The following OAT variants were observed in gnomAD, a reference collection of about 807,000 sequenced individuals.
OAT encodes the protein ornithine aminotransferase, also known as ornithine aminotransferase, mitochondrial.
OAT carries 35 observed loss-of-function variants against 48.4 expected under a neutral mutation model. That is an observed-to-expected ratio of 0.72 (90% confidence interval 0.55 to 0.96). OAT has a LOEUF of 0.96. Ranked by LOEUF, OAT falls within the 40% of genes least tolerant of loss-of-function variation. The pLI is 0.00. For missense variants in OAT, 438 were observed against 537.9 expected (o/e 0.81, Z 1.84); for synonymous variants, 182 against 198.4 (o/e 0.92, Z 0.70).
Position 124,403,810 on chromosome 10 carries a change from G to A in OAT, c.759C>T (p.Cys253=). 6.2e-7 allele frequency: 1 copy of A among 1,614,114 alleles called. No homozygotes were observed. The highest frequency in any genetic ancestry group is 8.5e-7 in the Non-Finnish European group (1 of 1,180,000). The change falls in exon 6 of 10, where the codon TGC becomes TGT. Residue 253 remains cysteine (C), a synonymous_variant. Transcript: ENST00000368845. The part of the protein sequence containing the change: ...PGYLMGVREL[C]TRHQVLFIAD... ...CTAACGTGACAACCTGGTGCCTGGT[G>A]CAGAGCTCTCGCACTCCCATTAGGT...
intron 4 of OAT, chr10:124,407,457 C>G (rs898747030): frequency 2.0e-6 from 2 of 985,142 alleles, no homozygotes; most frequent in African/African-American, 3.5e-5. Flanking sequence ...TTTTTGTTTG[C>G]AAGAGACAGT....
At chr10:124,411,139 C>CACAAA (rs1554867368) in intron 2 of OAT, among the ~76,000 whole-genome samples, 1 of 15,014 alleles carries the variant, frequency 6.7e-5, no homozygotes, top group Non-Finnish European at 1.3e-4. Flanking sequence ...CATTCCGTCT[C>CACAAA]AAAAAAAAAA....
At chr10:124,415,538 G>C (rs943828193) in intron 1 of OAT, among the ~76,000 whole-genome samples, 4 of 152,176 alleles carry the variant, frequency 2.6e-5, no homozygotes, top group Admixed American at 2.0e-4. Context: ...TTCTATTAAA[G>C]AACCTTCTGT....
chr10:124,401,948 C>A (rs1385343750), intron 7 of OAT, 109 bp from the exon 8 acceptor site: 1 of 779,972 alleles, frequency 1.3e-6, no homozygotes, highest in Non-Finnish European at 2.2e-6. Flanking sequence ...GTGGCGTGAT[C>A]TCAGCTCACT....
At chr10:124,415,267 A>G (rs1951885924) in intron 1 of OAT, among the ~76,000 whole-genome samples, 1 of 152,094 alleles carries the variant, frequency 6.6e-6, no homozygotes, top group Non-Finnish European at 1.5e-5. Context: ...ATATCATTCA[A>G]AACATTACTA....
At position 124,400,876 on chromosome 10, in the gene OAT, C is replaced by A; in HGVS notation, c.1123G>T (p.Gly375Ter). The change falls in exon 9 of 10, where the codon GGA becomes TGA. Residue 375 changes from glycine (G) to a stop codon, truncating the protein, a stop_gained. Transcript: ENST00000368845. LOFTEE classifies it high-confidence loss of function. The part of the protein sequence containing the change: ...SDVVTAVRGK[G>*]LLNAIVIKET... ...TTAATGACAATAGCGTTTAATAATC[C>A]TTTTCCTCTTACGGCAGTTACAACA... The A allele has an allele frequency of 6.2e-7, 1 of 1,605,000 alleles. No homozygotes were observed. Among genetic ancestry groups the A allele is most frequent in the Non-Finnish European group, 8.5e-7 (1 of 1,173,682 alleles).
At position 124,397,961 on chromosome 10, in the gene OAT, T is replaced by C; in HGVS notation, c.1301A>G (p.Lys434Arg). The stretch of plus-strand genomic sequence containing the variant: ...CTACCCTCAGAAAGACAAGATGGTC[T>C]TGTTAATAATTTCAATGGACTCTCG... The part of the protein sequence containing the change: ...ELRESIEIIN[K>R]TILSF Residue 434 changes from lysine (K) to arginine (R), a missense_variant, in exon 10 of 10, where the codon AAG (lysine) becomes AGG (arginine). By Grantham distance (26) the Lys-to-Arg change is conservative. Coordinates refer to ENST00000368845, the MANE Select transcript of OAT (RefSeq NM_000274.4). 6.2e-7 allele frequency: 1 copy of C among 1,613,864 alleles called. No individual in the cohort carries two copies. Among genetic ancestry groups the C allele is most frequent in the Middle Eastern group, 1.7e-4 (1 of 6,056 alleles).
intron 5 of OAT, 96 bp downstream of exon 5, chr10:124,405,340 T>A: frequency 6.4e-7 from 1 of 1,561,122 alleles, no homozygotes; most frequent in Admixed American, 1.7e-5. Context: ...TGAGATAAAT[T>A]TGCATTACTG....
chr10:124,397,977 T>A lies in OAT; in HGVS notation c.1285A>T (p.Ile429Phe). Residue 429 changes from isoleucine to phenylalanine, a missense_variant, in exon 10 of 10, where the codon ATT (isoleucine) becomes TTT (phenylalanine). Physicochemically the swap from Ile to Phe is conservative, Grantham distance 21 (BLOSUM62 0). Coordinates refer to ENST00000368845, the MANE Select transcript of OAT (RefSeq NM_000274.4). ...VIKEDELRES[I>F]EIINKTILSF ...AAGATGGTCTTGTTAATAATTTCAA[T>A]GGACTCTCGAAGCTCATCCTCCTTG... 1 of 1,613,902 alleles carries A rather than the reference T, an allele frequency of 6.2e-7. No homozygotes were observed.
chr10:124,415,678 C>A (rs770159776), intron 1 of OAT, among the ~76,000 whole-genome samples: 1 of 152,270 alleles, frequency 6.6e-6, no homozygotes, highest in Non-Finnish European at 1.5e-5. Context: ...AGCGGAAAAT[C>A]CCGAGTTTGG....
At chr10:124,408,172 A>G (rs1951635546) in intron 4 of OAT, among the ~76,000 whole-genome samples, 1 of 151,974 alleles carries the variant, frequency 6.6e-6, no homozygotes, top group Non-Finnish European at 1.5e-5. Flanking sequence ...TTTATGAAAC[A>G]TTCAGCAAAT....
chr10:124,413,696 A>G (rs561082784), intron 1 of OAT, among the ~76,000 whole-genome samples: 1 of 152,134 alleles, frequency 6.6e-6, no homozygotes, highest in Non-Finnish European at 1.5e-5. Flanking sequence ...AAACAAACAA[A>G]CAAACGAAAA....
chr10:124,401,802 G>A lies in OAT; in HGVS notation c.938C>T (p.Thr313Ile), dbSNP rs376934830. 1 of 1,613,282 alleles carries A rather than the reference G, an allele frequency of 6.2e-7. No homozygotes were observed. The highest frequency in any genetic ancestry group is 8.5e-7 in the Non-Finnish European group (1 of 1,179,810). Residue 313 changes from threonine to isoleucine, a missense_variant, in exon 8 of 10, where the codon ACC (threonine) becomes ATC (isoleucine). By Grantham distance (89) the Thr-to-Ile change is moderately conservative. Transcript: ENST00000368845. ...GGACCCATGCTCCCCTGGCTTAATG[G>A]TCAGCATGATGTCATCATCACACAG... ...AVLCDDDIML[T>I]IKPGEHGSTY...
chr10:124,414,656 T>C (rs1951861451), intron 1 of OAT, among the ~76,000 whole-genome samples: 1 of 152,238 alleles, frequency 6.6e-6, no homozygotes, highest in Non-Finnish European at 1.5e-5. Flanking sequence ...GTATGATTTC[T>C]TTCTTGGACT....
Position 124,415,074 on chromosome 10 carries a change from TAAAAAAAAAAAAAA to T in OAT, c.-29-2888_-29-2875del, listed in dbSNP as rs75952005. On this transcript the variant is annotated intron_variant, in intron 1 of 9. Transcript: ENST00000368845. ...CACTCCAGCCTGGGCTACAAAGCGC[TAAAAAAAAAAAAAA>T]AAAAAAAAAAAAAAAAAAAAAAAGG... is the stretch of plus-strand genomic sequence containing the variant. 23 of 16,858 alleles carry T rather than the reference TAAAAAAAAAAAAAA, an allele frequency of 1.4e-3. 1 individual carries two copies. The highest frequency in any genetic ancestry group is 2.8e-3 in the South Asian group (1 of 356). The allele number at this position is 16,858 out of a possible 1,614,324, so 1.0% of individuals were successfully genotyped here.
chr10:124,405,921 G>T, intron 4 of OAT: 2 of 1,158,308 alleles, frequency 1.7e-6, no homozygotes, highest in Non-Finnish European at 1.1e-6. Flanking sequence ...TCTAGAGAAG[G>T]TGCATTTATG....
In OAT at chr10:124,402,960, G is replaced by T; in HGVS notation, c.867C>A (p.Leu289=). ...AGCCCCCAGAAAGGGCCTTTCCAAGGAGGACTATATCAGGTCTGACATTTT... is the reference window on the plus strand; with the variant it reads ...AGCCCCCAGAAAGGGCCTTTCCAAGTAGGACTATATCAGGTCTGACATTTT... ...DYENVRPDIV[L]LGKALSGGLY... is the part of the protein sequence containing the mutation. Residue 289 remains leucine, a synonymous_variant, in exon 7 of 10, where the codon CTC becomes CTA. Coordinates refer to ENST00000368845, the MANE Select transcript of OAT (RefSeq NM_000274.4). 4 of 1,614,106 alleles carry T rather than the reference G, an allele frequency of 2.5e-6. No individual in the cohort carries two copies. The highest frequency in any genetic ancestry group is 3.4e-6 in the Non-Finnish European group (4 of 1,180,004).
At position 124,417,410 on chromosome 10, in the gene OAT, G is replaced by A. The variant is rs575513387; in HGVS notation, c.-30+1463C>T. ...AGCAATTCTCCTGCCTCAGCCTCCC[G>A]AGTAGCTGGGATTACAGGCGCGCAC... On this transcript the variant is annotated intron_variant, in intron 1 of 9. Transcript: ENST00000368845. 3.4e-5 allele frequency among the ~76,000 whole-genome samples: 5 copies of A among 145,970 alleles called. No homozygotes were observed. In the South Asian group the frequency reaches 1.1e-3, roughly 33 times the overall value.
At chr10:124,412,225 TAA>T in intron 1 of OAT, 25 bp from the exon 2 acceptor site, 1 of 1,522,466 alleles carries the variant, frequency 6.6e-7, no homozygotes, top group Admixed American at 1.7e-5. Flanking sequence ...GAGAATGCAT[TAA>T]GAGTGAGAAT....
Sources: allele counts gnomAD v4.1 joint callset (sites outside exome capture counted in the v4.1 genomes callset), GRCh38; gene constraint gnomAD v4.1.1; transcripts MANE v1.5; gene names NCBI Gene and HGNC (gene_info 2026-07-23, HGNC 2026-07-21).